Variants in RIOK2 observed in about 807,000 individuals in gnomAD.
RIOK2 encodes the protein serine/threonine-protein kinase RIO2.
RIOK2 carries 46 observed loss-of-function variants against 62.4 expected under a neutral mutation model. The observed-to-expected ratio is 0.74, with a 90% CI of 0.58 to 0.94. RIOK2 has a LOEUF of 0.94. RIOK2 is among the 40% of genes least tolerant of loss of function. RIOK2 has a pLI of 0.00. For missense variants in RIOK2, 574 were observed against 658.0 expected (o/e 0.87, Z 1.40); for synonymous variants, 197 against 216.0 (o/e 0.91, Z 0.77).
intron 8 of RIOK2, 98 bp downstream of exon 8, chr5:97,167,369 T>C (rs1000698878): frequency 1.3e-6 from 2 of 1,516,584 alleles, no homozygotes; most frequent in African/African-American, 2.8e-5. Flanking sequence ...CAGAATACAA[T>C]TTTGTCACAT....
At chr5:97,174,401 T>C (rs186784636) in intron 4 of RIOK2, among the ~76,000 whole-genome samples, 38 of 152,000 alleles carry the variant, frequency 2.5e-4, no homozygotes, top group Non-Finnish European at 4.4e-4. Flanking sequence ...GCCTGGGTGA[T>C]AGAGCAAGAC....
chr5:97,171,347 A>G lies in RIOK2; in HGVS notation c.638T>C (p.Met213Thr). The G allele has an allele frequency of 6.2e-7, 1 of 1,605,978 alleles. No individual in the cohort carries two copies. The highest frequency in any genetic ancestry group is 1.1e-5 in the South Asian group (1 of 89,398). The change falls in exon 6 of 10, where the codon ATG becomes ACG. Residue 213 changes from methionine to threonine, a missense_variant. Physicochemically the swap from Met to Thr is moderately conservative, Grantham distance 81. Transcript: ENST00000283109. The part of the protein sequence containing the change: ...EDPASVYDEA[M>T]ELIVKLANHG... ...ATTTGCAAGTTTGACAATTAGTTCC[A>G]TAGCTTCATCATATACTGATGCAGG...
chr5:97,173,196 T>G lies in RIOK2; in HGVS notation c.566A>C (p.Glu189Ala), dbSNP rs1749064062. The G allele has an allele frequency of 1.2e-6, 2 of 1,611,940 alleles. No homozygotes were observed. The highest frequency in any genetic ancestry group is 2.7e-5 in the African/African-American group (2 of 75,010). Residue 189 changes from glutamate to alanine, a missense_variant, in exon 5 of 10, where the codon GAA becomes GCA. Coordinates refer to ENST00000283109, the MANE Select transcript of RIOK2 (RefSeq NM_018343.3). ...IDYNRHAVVM[E>A]LINGYPLCQI... ...TTACAGTGGATAACCATTTATGAGT[T>G]CCATGACCACTGCATGACGATTGTA... is the stretch of plus-strand genomic sequence containing the variant.
chr5:97,180,848 T>C (rs992188273), intron 1 of RIOK2, among the ~76,000 whole-genome samples: 3 of 151,996 alleles, frequency 2.0e-5, no homozygotes, highest in South Asian at 2.1e-4. Flanking sequence ...AAAGCCACAA[T>C]TGGAAGTGAT....
chr5:97,173,830 AT>A (rs1183242881), intron 4 of RIOK2, among the ~76,000 whole-genome samples: 1 of 152,206 alleles, frequency 6.6e-6, no homozygotes, highest in African/African-American at 2.4e-5. Context: ...TTGTAGTCTG[AT>A]TCAAGTGTTA....
In RIOK2 at chr5:97,167,548, G is replaced by A. The variant is rs1302468233; in HGVS notation, c.1316C>T (p.Pro439Leu). The A allele has an allele frequency of 2.5e-6, 4 of 1,613,996 alleles. No homozygotes were observed. Among genetic ancestry groups the A allele is most frequent in the Non-Finnish European group, 3.4e-6 (4 of 1,179,976 alleles). The change falls in exon 8 of 10, where the codon CCT (proline) becomes CTT (leucine). Residue 439 changes from proline (P) to leucine (L), a missense_variant. Coordinates refer to ENST00000283109, the MANE Select transcript of RIOK2 (RefSeq NM_018343.3). Reference sequence around the variant, plus strand: ...ATCTTCATACTCGTCAGAGCCAGCAGGGACTCCTCCTTGAACTCTCTGACC... The same window carrying A: ...ATCTTCATACTCGTCAGAGCCAGCAAGGACTCCTCCTTGAACTCTCTGACC... ...QDGQRVQGGV[P>L]AGSDEYEDEC... is the part of the protein sequence containing the mutation.
chr5:97,177,127 C>A lies in RIOK2; in HGVS notation c.487G>T (p.Ala163Ser). Reference sequence around the variant, plus strand: ...AATAAAATAAATACCTTCATATAGGCAAATTCCTTCATGGCAGAGAGACGA... The same window carrying A: ...AATAAAATAAATACCTTCATATAGGAAAATTCCTTCATGGCAGAGAGACGA... ...LSRLSAMKEF[A>S]YMKALYERKF... is the part of the protein sequence containing the mutation. The change falls in exon 4 of 10, where the codon GCC (alanine) becomes TCC (serine). Residue 163 changes from alanine (A) to serine (S), a missense_variant. Transcript: ENST00000283109. 6.2e-7 allele frequency: 1 copy of A among 1,610,472 alleles called. No homozygotes were observed. The highest frequency in any genetic ancestry group is 8.5e-7 in the Non-Finnish European group (1 of 1,178,334).
intron 5 of RIOK2, 152 bp from the exon 6 acceptor site, chr5:97,171,549 C>T: frequency 2.3e-6 from 1 of 435,662 alleles, no homozygotes; most frequent in Admixed American, 4.2e-5. Context: ...TATAATATCT[C>T]CCATCTATTA....
Position 97,180,142 on chromosome 5 carries a change from G to GTATGTATATATATATATA in RIOK2, c.67-950_67-949insTATATATATATATACATA, listed in dbSNP as rs1350504483. On this transcript the variant is annotated intron_variant, in intron 1 of 9. Coordinates refer to ENST00000283109, the MANE Select transcript of RIOK2 (RefSeq NM_018343.3). Reference sequence around the variant, plus strand: ...TGTGTATATGTATATATATATATATGTATATATATATATATATATGTGCTT... The same window carrying GTATGTATATATATATATA: ...TGTGTATATGTATATATATATATATGTATGTATATATATATATATATATATATATATATATATGTGCTT... Among the ~76,000 whole-genome samples the GTATGTATATATATATATA allele has an allele frequency of 5.0e-3, 481 of 96,048 alleles. 10 individuals carry two copies. The highest frequency in any genetic ancestry group is 7.4e-3 in the Non-Finnish European group (366 of 49,446). 63.0% of individuals were successfully genotyped at this position (96,048 alleles called of 152,430 possible). A position where few individuals can be genotyped will look rare whatever the true frequency, so the allele number is the denominator to read the frequency against.
At chr5:97,164,006 C>A (rs919992039) in intron 9 of RIOK2, among the ~76,000 whole-genome samples, 12 of 152,114 alleles carry the variant, frequency 7.9e-5, no homozygotes, top group Middle Eastern at 3.4e-3. Flanking sequence ...GATCTTTCTG[C>A]CTCAGTCTCC....
intron 6 of RIOK2, 42 bp from the exon 7 acceptor site, chr5:97,168,894 C>A: frequency 8.4e-7 from 1 of 1,194,950 alleles, no homozygotes; most frequent in South Asian, 1.5e-5. Context: ...CTTTATTGCT[C>A]CTCTTTTTCC....
At chr5:97,169,062 A>G (rs1748924504) in intron 6 of RIOK2, among the ~76,000 whole-genome samples, 1 of 152,236 alleles carries the variant, frequency 6.6e-6, no homozygotes, top group South Asian at 2.1e-4. Context: ...TAAGCTGTCA[A>G]TGCCATGCAG....
intron 2 of RIOK2, 23 bp from the exon 3 acceptor site, chr5:97,177,871 A>G: frequency 6.9e-7 from 1 of 1,449,130 alleles, no homozygotes; most frequent in Non-Finnish European, 9.6e-7. Flanking sequence ...CAAAGCATAA[A>G]GACCATATTT....
At chr5:97,176,626 G>C (rs1159922537) in intron 4 of RIOK2, among the ~76,000 whole-genome samples, 4 of 152,068 alleles carry the variant, frequency 2.6e-5, no homozygotes, top group African/African-American at 9.7e-5. Flanking sequence ...ATGAACCACT[G>C]CACCCAGCCA....
chr5:97,179,986 ATATAAAAT>A (rs1749301306), intron 1 of RIOK2, among the ~76,000 whole-genome samples: 2 of 57,802 alleles, frequency 3.5e-5, no homozygotes, highest in Non-Finnish European at 6.1e-5. Context: ...TAATATATAT[ATATAAAAT>A]ATATATATAT....
chr5:97,177,417 C>T, intron 3 of RIOK2, 126 bp from the exon 4 acceptor site: 1 of 908,922 alleles, frequency 1.1e-6, no homozygotes, highest in Non-Finnish European at 1.6e-6. Flanking sequence ...TTGAGTATCC[C>T]TCCTTATCCA....
rs56141517 is a variant in RIOK2, at chr5:97,165,120, A to G, written c.1425T>C (p.Asn475=). ...TACTCAGAGTTCTTGTTCTATACTG[A>G]TTCATAGCTCCCACATTTTCTTCAT... The part of the protein sequence containing the change: ...FRDEENVGAM[N]QYRTRTLSIT... The change falls in exon 9 of 10, where the codon AAT becomes AAC. Residue 475 remains asparagine (N), a synonymous_variant. Coordinates refer to ENST00000283109, the MANE Select transcript of RIOK2 (RefSeq NM_018343.3). The G allele has an allele frequency of 2.7e-6, 4 of 1,483,466 alleles. No homozygotes were observed. The highest frequency in any genetic ancestry group is 3.6e-6 in the Non-Finnish European group (4 of 1,111,300). The allele number at this position is 1,483,466 out of a possible 1,614,324, so 91.9% of individuals were successfully genotyped here.
intron 6 of RIOK2, among the ~76,000 whole-genome samples, chr5:97,169,620 C>T (rs1377344349): frequency 2.0e-5 from 3 of 152,132 alleles, no homozygotes; most frequent in Non-Finnish European, 4.4e-5. Flanking sequence ...TCTTTGCTCA[C>T]AGGGTACTCT....
chr5:97,180,776 A>C (rs556479997), intron 1 of RIOK2, among the ~76,000 whole-genome samples: 62 of 152,284 alleles, frequency 4.1e-4, no homozygotes, highest in African/African-American at 1.4e-3. Flanking sequence ...GAAGGAATAA[A>C]AATCTTTAGG....
Sources: allele counts gnomAD v4.1 joint callset (sites outside exome capture counted in the v4.1 genomes callset), GRCh38; gene constraint gnomAD v4.1.1; transcripts MANE v1.5; gene names NCBI Gene and HGNC (gene_info 2026-07-23, HGNC 2026-07-21).